WSCD2: variants seen among roughly 807,000 people sequenced by gnomAD.
The protein encoded by WSCD2 is sialate:O-sulfotransferase 2.
WSCD2 carries 28 observed loss-of-function variants against 55.7 expected under a neutral mutation model. The ratio of observed to expected loss-of-function variants is 0.50; its 90% CI spans 0.37 to 0.69. The LOEUF (loss-of-function observed/expected upper bound fraction) is 0.69, where lower values mean the gene tolerates loss of function less well. WSCD2 is among the 30% of genes least tolerant of loss of function. The pLI, the probability that WSCD2 is intolerant of heterozygous loss-of-function variation, is 0.00. For missense variants in WSCD2, 616 were observed against 762.1 expected, an observed-to-expected ratio of 0.81 and a Z score of 2.26; for synonymous variants, 301 against 301.9, an observed-to-expected ratio of 1.00 and a Z score of 0.03.
At chr12:108,216,169 G>A (rs1314558911) in intron 4 of WSCD2, among the ~76,000 whole-genome samples, 1 of 152,118 alleles carries the variant, frequency 6.6e-6, no homozygotes, top group Non-Finnish European at 1.5e-5. Flanking sequence ...ACAAGATTGG[G>A]GTCAAATCCC....
chr12:108,226,629 T>G (rs1477900645), intron 5 of WSCD2, among the ~76,000 whole-genome samples: 2 of 152,156 alleles, frequency 1.3e-5, no homozygotes, highest in Non-Finnish European at 2.9e-5. Flanking sequence ...AGTGCCTAGG[T>G]AGAATTTCAT....
At chr12:108,131,591 G>C (rs1043775100) in intron 1 of WSCD2, 1 of 152,302 alleles carries the variant, frequency 6.6e-6, no homozygotes, top group African/African-American at 2.4e-5. Context: ...ACGGTGCCAA[G>C]GCTACCTGCT....
chr12:108,168,823 T>G (rs868159070), intron 1 of WSCD2, among the ~76,000 whole-genome samples: 22 of 152,358 alleles, frequency 1.4e-4, no homozygotes, highest in South Asian at 4.1e-4. Context: ...TGCACCTCAG[T>G]ATCTAGCAAT....
At chr12:108,234,334 A>G (rs2137202826) in intron 7 of WSCD2, among the ~76,000 whole-genome samples, 1 of 152,298 alleles carries the variant, frequency 6.6e-6, no homozygotes, top group Non-Finnish European at 1.5e-5. Context: ...GCCAGGGGGC[A>G]TGTCTTTCTC....
intron 1 of WSCD2, among the ~76,000 whole-genome samples, chr12:108,160,353 C>T (rs1280486205): frequency 6.6e-6 from 1 of 152,144 alleles, no homozygotes; most frequent in Admixed American, 6.5e-5. Context: ...TAAAGAAATA[C>T]CTGAGACTGG....
chr12:108,189,697 T>C (rs980049663), intron 1 of WSCD2: 2 of 152,190 alleles, frequency 1.3e-5, no homozygotes, highest in African/African-American at 4.8e-5. Flanking sequence ...ACTGGCATCT[T>C]TTAGGATAAT....
At chr12:108,168,949 G>T (rs1165514938) in intron 1 of WSCD2, among the ~76,000 whole-genome samples, 1 of 152,152 alleles carries the variant, frequency 6.6e-6, no homozygotes. Context: ...TAAGCAGTGG[G>T]CCAGTGAACA....
rs1886054304 is a variant in WSCD2, at chr12:108,210,847, T to A, written c.682+542T>A. Among the ~76,000 whole-genome samples the A allele has an allele frequency of 2.0e-5, 3 of 152,254 alleles. No homozygotes were observed. In the South Asian group the frequency reaches 6.2e-4, roughly 31 times the overall value. On this transcript the variant is annotated intron_variant, in intron 4 of 8. Transcript: ENST00000547525. This position sits in a 1 kb window ranked among gnomAD's most constrained non-coding sequence, Gnocchi z 4.3. ...TTTAAACCGACTCTGGAGTCCTTGATGCTTTCAAAGAGAGAATTCATCCTG... is the reference window on the plus strand; with the variant it reads ...TTTAAACCGACTCTGGAGTCCTTGAAGCTTTCAAAGAGAGAATTCATCCTG...
intron 4 of WSCD2, among the ~76,000 whole-genome samples, chr12:108,214,451 AC>A (rs912999847): frequency 2.6e-5 from 4 of 152,230 alleles, no homozygotes; most frequent in Non-Finnish European, 5.9e-5. Context: ...TGCCCTTGTT[AC>A]AAAAGAACTG....
intron 2 of WSCD2, among the ~76,000 whole-genome samples, chr12:108,199,713 A>T (rs1884419316): frequency 6.6e-6 from 1 of 152,220 alleles, no homozygotes. Flanking sequence ...ATGAAGGAAG[A>T]TAGACACTGT....
At chr12:108,130,088 A>G (rs1427842724) in intron 1 of WSCD2, among the ~76,000 whole-genome samples, 162 bp downstream of exon 1, 1 of 152,216 alleles carries the variant, frequency 6.6e-6, no homozygotes. Flanking sequence ...TGAGGAACCC[A>G]GAGTGGTGAC....
intron 6 of WSCD2, among the ~76,000 whole-genome samples, chr12:108,227,987 C>T (rs1208450875): frequency 6.7e-6 from 1 of 150,024 alleles, no homozygotes; most frequent in Non-Finnish European, 1.5e-5. Context: ...CCTTCATATA[C>T]ATGTTTTCAT....
Position 108,248,982 on chromosome 12 carries a change from GC to G in WSCD2, c.*645del, listed in dbSNP as rs766810007. On this transcript the variant is annotated 3_prime_UTR_variant, in exon 9 of 9. Coordinates refer to ENST00000547525, the MANE Select transcript of WSCD2 (RefSeq NM_014653.4). This position sits in a 1 kb window ranked among gnomAD's most constrained non-coding sequence, Gnocchi z 4.3. ...CCATGTGGGGCCATTGGTGTTATGA[GC>G]CCCCCAGGCCACACTGCTTCTCAGA... 2.2e-6 allele frequency: 2 copies of G among 910,582 alleles called. No individual in the cohort carries two copies. The highest frequency in any genetic ancestry group is 5.1e-5 in the South Asian group (1 of 19,780). 56.4% of individuals were successfully genotyped at this position (910,582 alleles called of 1,614,324 possible).
intron 1 of WSCD2, among the ~76,000 whole-genome samples, chr12:108,167,902 G>A (rs564994990): frequency 6.6e-5 from 10 of 152,354 alleles, no homozygotes; most frequent in African/African-American, 2.4e-4. Context: ...AAGCCCCACT[G>A]TTGGATGAAA....
chr12:108,232,360 G>C lies in WSCD2; in HGVS notation c.980-371G>C, dbSNP rs572806956. Among the ~76,000 whole-genome samples the C allele has an allele frequency of 3.3e-5, 5 of 152,168 alleles. No homozygotes were observed. The South Asian group carries it at 1.0e-3, about 32-fold the overall frequency. On this transcript the variant is annotated intron_variant, in intron 6 of 8. Coordinates refer to ENST00000547525, the MANE Select transcript of WSCD2 (RefSeq NM_014653.4). ...CACGACGGATGCCATTGACGGTTTC[G>C]ATCTGGAGGAAAGGGTAGGGGTGAA...
intron 1 of WSCD2, among the ~76,000 whole-genome samples, chr12:108,163,438 G>C (rs1879271783): frequency 6.6e-6 from 1 of 152,068 alleles, no homozygotes; most frequent in South Asian, 2.1e-4. Context: ...AAGTGTGGTG[G>C]GTTGAATAAT....
At chr12:108,158,131 T>C (rs1378476334) in intron 1 of WSCD2, among the ~76,000 whole-genome samples, 2 of 152,184 alleles carry the variant, frequency 1.3e-5, no homozygotes, top group East Asian at 3.9e-4. Context: ...ACACATAAAG[T>C]CCTTCAGTGG....
rs145700765 is a variant in WSCD2, at chr12:108,239,719, T to C, written c.1145-625T>C. 4.2e-3 allele frequency among the ~76,000 whole-genome samples: 633 copies of C among 152,206 alleles called. 5 individuals carry two copies. Among genetic ancestry groups the C allele is most frequent in the African/African-American group, 0.014 (597 of 41,526 alleles). ...AGCACCCAAGCCTTTTCTCTTCTTT[T>C]CTTTTTTTGTCAAGAGACAGGGTCT... is the stretch of plus-strand genomic sequence containing the variant. On this transcript the variant is annotated intron_variant, in intron 7 of 8. Coordinates refer to ENST00000547525, the MANE Select transcript of WSCD2 (RefSeq NM_014653.4).
chr12:108,142,050 C>T (rs889099012), intron 1 of WSCD2, among the ~76,000 whole-genome samples: 3 of 152,218 alleles, frequency 2.0e-5, no homozygotes, highest in African/African-American at 7.2e-5. Context: ...AAATTAGTTT[C>T]TTAATCTGCT....
Sources: allele counts gnomAD v4.1 joint callset (sites outside exome capture counted in the v4.1 genomes callset), GRCh38; gene constraint gnomAD v4.1.1; non-coding constraint Gnocchi (gnomAD v3.1); transcripts MANE v1.5; gene names NCBI Gene and HGNC (gene_info 2026-07-23, HGNC 2026-07-21).